TNRC6A: variants seen among roughly 807,000 people sequenced by gnomAD.
The protein encoded by TNRC6A is trinucleotide repeat containing adaptor 6A.
A neutral mutation model predicts 221.2 loss-of-function variants in TNRC6A; 44 were observed. That is an observed-to-expected ratio of 0.20 (90% CI 0.16 to 0.26). TNRC6A has a LOEUF of 0.26. TNRC6A is among the 10% of genes least tolerant of loss of function. The pLI is 1.00. For missense variants in TNRC6A, 2,199 were observed against 2,404.4 expected (o/e 0.91, Z 1.79); for synonymous variants, 847 against 838.5 (o/e 1.01, Z -0.18).
chr16:24,689,401 C>CA (rs1226933439), intron 2 of TNRC6A, among the ~76,000 whole-genome samples: 1 of 152,158 alleles, frequency 6.6e-6, no homozygotes, highest in Non-Finnish European at 1.5e-5. Context: ...GGACATGGAT[C>CA]AAGAACAGAT....
At chr16:24,632,707 A>T (rs1901410222) in intron 1 of TNRC6A, among the ~76,000 whole-genome samples, 1 of 152,080 alleles carries the variant, frequency 6.6e-6, no homozygotes, top group Non-Finnish European at 1.5e-5. Flanking sequence ...AGTTGTCTTC[A>T]CATTAAAAAT....
At chr16:24,702,126 G>C (rs1184121771) in intron 2 of TNRC6A, among the ~76,000 whole-genome samples, 1 of 84,022 alleles carries the variant, frequency 1.2e-5, no homozygotes, top group Non-Finnish European at 2.6e-5. Flanking sequence ...TTTTTTTTTT[G>C]AGGCAGTGTC....
intron 2 of TNRC6A, among the ~76,000 whole-genome samples, chr16:24,643,070 ATATATATATTATATATATATATT>A (rs1902045841): frequency 7.2e-6 from 1 of 138,368 alleles, no homozygotes; most frequent in Non-Finnish European, 1.5e-5. Flanking sequence ...CATATATATT[ATATATATATTATATATATATATT>A]TTATATATAT....
chr16:24,675,659 A>ACTCTCTCTCT (rs71381700), intron 2 of TNRC6A, among the ~76,000 whole-genome samples: 33 of 37,544 alleles, frequency 8.8e-4, no homozygotes, highest in East Asian at 2.8e-3. Flanking sequence ...CCAGCCAGAG[A>ACTCTCTCTCT]CTCTCTCTCT....
At chr16:24,767,133 A>T (rs943381750) in intron 4 of TNRC6A, among the ~76,000 whole-genome samples, 2 of 152,218 alleles carry the variant, frequency 1.3e-5, no homozygotes, top group African/African-American at 2.4e-5. Flanking sequence ...CACATTGTGG[A>T]CCATATCGTA....
At chr16:24,625,737 CAAAAAAAA>C (rs749882396) in intron 1 of TNRC6A, among the ~76,000 whole-genome samples, 5 of 24,052 alleles carry the variant, frequency 2.1e-4, no homozygotes, top group Admixed American at 5.3e-4. Flanking sequence ...CGTCTCAAAA[CAAAAAAAA>C]AAAAAAAAAA....
At chr16:24,642,543 C>T (rs191638424) in intron 2 of TNRC6A, among the ~76,000 whole-genome samples, 2 of 152,276 alleles carry the variant, frequency 1.3e-5, no homozygotes, top group South Asian at 2.1e-4. Context: ...TCAGGCCGAG[C>T]GCAGTGGCTC....
chr16:24,793,706 C>G (rs1464580338), intron 7 of TNRC6A, 57 bp downstream of exon 7: 1 of 1,270,806 alleles, frequency 7.9e-7, no homozygotes, highest in Non-Finnish European at 1.0e-6. Context: ...CACTCACTGA[C>G]TATAATTAAA....
chr16:24,623,384 G>C (rs1434465748), intron 1 of TNRC6A, among the ~76,000 whole-genome samples: 1 of 151,924 alleles, frequency 6.6e-6, no homozygotes, highest in African/African-American at 2.4e-5. Flanking sequence ...ATTTTTAGTG[G>C]AGACAGGATT....
At chr16:24,720,774 G>A (rs1177360756) in intron 2 of TNRC6A, among the ~76,000 whole-genome samples, 7 of 150,656 alleles carry the variant, frequency 4.6e-5, no homozygotes, top group African/African-American at 1.2e-4. Flanking sequence ...AGTGGCTCAC[G>A]CCTGTAATCC....
intron 2 of TNRC6A, among the ~76,000 whole-genome samples, chr16:24,697,227 A>G (rs2055882596): frequency 6.6e-6 from 1 of 152,200 alleles, no homozygotes; most frequent in Non-Finnish European, 1.5e-5. Flanking sequence ...CTAAAAATAA[A>G]AGGAAAAACT....
At chr16:24,729,527 G>A (rs779742869), upstream of TNRC6A, among the ~76,000 whole-genome samples, 126 of 151,954 alleles carry the variant, frequency 8.3e-4, no homozygotes, top group Non-Finnish European at 1.5e-3. Flanking sequence ...CCGGCTGGGT[G>A]CAGCGTGACA....
chr16:24,730,173 G>T (rs957789791), intron 1 of TNRC6A, 80 bp from the exon 2 acceptor site: 46 of 1,154,690 alleles, frequency 4.0e-5, no homozygotes, highest in Admixed American at 9.2e-5. Context: ...AGCCTCTGCC[G>T]CAGCAGCTCC....
In TNRC6A at chr16:24,769,644, C is replaced by G. The variant is rs564524865; in HGVS notation, c.164-7289C>G. Among the ~76,000 whole-genome samples, 3 of 152,290 alleles carry G rather than the reference C, an allele frequency of 2.0e-5. No individual in the cohort carries two copies. In the South Asian group the frequency reaches 6.2e-4, roughly 32 times the overall value. On this transcript the variant is annotated intron_variant, in intron 4 of 24. Transcript: ENST00000395799. Reference sequence around the variant, plus strand: ...TCTCAGTGGCTGGTCTTGTCCTGCTCTCTCCATGCCAGCTGTAGGTGTTTT... The same window carrying G: ...TCTCAGTGGCTGGTCTTGTCCTGCTGTCTCCATGCCAGCTGTAGGTGTTTT...
chr16:24,730,293 C>T lies in TNRC6A; in HGVS notation c.46C>T (p.Leu16Phe), dbSNP rs751388595. 1.9e-6 allele frequency: 3 copies of T among 1,602,372 alleles called. No homozygotes were observed. Among genetic ancestry groups the T allele is most frequent in the Admixed American group, 1.7e-5 (1 of 58,342 alleles). The stretch of plus-strand genomic sequence containing the variant: ...AGCTACCAAAGACGTAGAAAGAAAT[C>T]TTAGCAGGTAAGATGGGCGAGCTTT... Reference protein sequence around the residue: ...AKATKDVERNLSRDLVQEEEQ... With the variant: ...AKATKDVERNFSRDLVQEEEQ... Residue 16 changes from leucine (L) to phenylalanine (F), a missense_variant, in exon 2 of 25, where the codon CTT becomes TTT. Physicochemically the swap from Leu to Phe is conservative, Grantham distance 22. Around this residue, in one of 8 missense-constraint regions of TNRC6A, gnomAD observed 1,405 missense variants for 1,400.2 expected, o/e 1.00. Coordinates refer to ENST00000395799, the MANE Select transcript of TNRC6A (RefSeq NM_014494.4).
intron 5 of TNRC6A, among the ~76,000 whole-genome samples, chr16:24,783,829 TACA>T (rs1388517453): frequency 6.6e-6 from 1 of 152,230 alleles, no homozygotes; most frequent in African/African-American, 2.4e-5. Flanking sequence ...CCAGATCATT[TACA>T]ACACTGGGTC....
chr16:24,687,311 C>A (rs1259269751), intron 2 of TNRC6A, among the ~76,000 whole-genome samples: 1 of 152,086 alleles, frequency 6.6e-6, no homozygotes, highest in Admixed American at 6.6e-5. Flanking sequence ...TCTCCACCTC[C>A]TACTAAAGCC....
chr16:24,785,302 T>C (rs2057942325), intron 5 of TNRC6A, among the ~76,000 whole-genome samples: 1 of 152,258 alleles, frequency 6.6e-6, no homozygotes, highest in Non-Finnish European at 1.5e-5. Flanking sequence ...TTGCAGACTC[T>C]TGTTAACAAT....
At chr16:24,747,441 G>A (rs1204805676) in intron 2 of TNRC6A, among the ~76,000 whole-genome samples, 1 of 152,146 alleles carries the variant, frequency 6.6e-6, no homozygotes, top group Non-Finnish European at 1.5e-5. Flanking sequence ...GTAGCCTTCA[G>A]GGCATGGATG....
Sources: allele counts gnomAD v4.1 joint callset (sites outside exome capture counted in the v4.1 genomes callset), GRCh38; gene constraint gnomAD v4.1.1; regional missense constraint gnomAD v4.1.1; transcripts MANE v1.5; gene names NCBI Gene and HGNC (gene_info 2026-07-23, HGNC 2026-07-21).